The following MMRN1 variants were observed in gnomAD, a reference collection of about 807,000 sequenced individuals.
MMRN1 encodes multimerin-1.
MMRN1 carries 94 observed loss-of-function variants against 100.7 expected under a neutral mutation model. The ratio of observed to expected loss-of-function variants is 0.93; its 90% CI spans 0.79 to 1.11. The LOEUF is 1.11. Among genes scored for constraint, MMRN1 ranks in the 50% least tolerant of loss-of-function variants. MMRN1 has a pLI of 0.00. For missense variants in MMRN1, 1,606 were observed against 1,439.1 expected (o/e 1.12, Z -1.88); for synonymous variants, 575 against 505.0 (o/e 1.14, Z -1.86).
At chr4:89,901,846 A>G (rs553985270) in intron 1 of MMRN1, 9 of 152,132 alleles carry the variant, frequency 5.9e-5, no homozygotes, top group Admixed American at 2.6e-4. Flanking sequence ...CTAATAATTA[A>G]GTGGGAACTT....
At chr4:89,940,443 A>G (rs190121790) in intron 6 of MMRN1, among the ~76,000 whole-genome samples, 11 of 152,200 alleles carry the variant, frequency 7.2e-5, no homozygotes, top group African/African-American at 2.2e-4. Flanking sequence ...ATTATCATTG[A>G]TGTGAATATA....
At position 89,935,464 on chromosome 4, in the gene MMRN1, T is replaced by C. The variant is rs1385642901; in HGVS notation, c.1784T>C (p.Met595Thr). 5 of 1,613,586 alleles carry C rather than the reference T, an allele frequency of 3.1e-6. No individual in the cohort carries two copies. Among genetic ancestry groups the C allele is most frequent in the Non-Finnish European group, 3.4e-6 (4 of 1,179,752 alleles). Residue 595 changes from methionine (M) to threonine (T), a missense_variant, in exon 6 of 8, where the codon ATG becomes ACG. Transcript: ENST00000264790. The part of the protein sequence containing the change: ...KESLRGECED[M>T]LSKCRNDFKF... Reference sequence around the variant, plus strand: ...TCTCTCAGAGGTGAATGTGAAGACATGTTATCCAAATGCAGAAATGATTTT... The same window carrying C: ...TCTCTCAGAGGTGAATGTGAAGACACGTTATCCAAATGCAGAAATGATTTT...
intron 4 of MMRN1, 133 bp downstream of exon 4, chr4:89,923,405 T>G (rs977740429): frequency 2.4e-6 from 2 of 817,864 alleles, no homozygotes; most frequent in Non-Finnish European, 4.0e-6. Flanking sequence ...AGTCCTTTTC[T>G]ACTGGTGCTG....
chr4:89,884,730 G>T (rs1055628461), intron 1 of MMRN1, among the ~76,000 whole-genome samples: 1 of 152,056 alleles, frequency 6.6e-6, no homozygotes, highest in Non-Finnish European at 1.5e-5. Context: ...CCAAGTAGCT[G>T]GGACTACAGG....
intron 1 of MMRN1, among the ~76,000 whole-genome samples, chr4:89,884,277 AG>A (rs765067905): frequency 3.3e-5 from 5 of 152,292 alleles, no homozygotes; most frequent in Non-Finnish European, 5.9e-5. Flanking sequence ...TGAAGGTATA[AG>A]TAAACTTGAG....
At chr4:89,931,161 T>C (rs1197524705) in intron 5 of MMRN1, among the ~76,000 whole-genome samples, 1 of 152,202 alleles carries the variant, frequency 6.6e-6, no homozygotes, top group Non-Finnish European at 1.5e-5. Context: ...CATTTTATTT[T>C]CATCTGGCAA....
At chr4:89,930,686 A>T (rs1289235962) in intron 5 of MMRN1, among the ~76,000 whole-genome samples, 1 of 152,050 alleles carries the variant, frequency 6.6e-6, no homozygotes, top group Non-Finnish European at 1.5e-5. Flanking sequence ...ATGTTCTTAT[A>T]GAAAGAGTAA....
chr4:89,933,123 C>T (rs1010025509), intron 5 of MMRN1, among the ~76,000 whole-genome samples: 1 of 152,146 alleles, frequency 6.6e-6, no homozygotes, highest in African/African-American at 2.4e-5. Flanking sequence ...TGCCAGGTAT[C>T]CTAAATCATT....
chr4:89,910,331 A>C (rs1316355130), intron 2 of MMRN1, among the ~76,000 whole-genome samples: 1 of 151,470 alleles, frequency 6.6e-6, no homozygotes, highest in Non-Finnish European at 1.5e-5. Flanking sequence ...TTTAGTAATA[A>C]AAAATTTACC....
At chr4:89,892,605 T>C (rs770179530), upstream of MMRN1, among the ~76,000 whole-genome samples, 19 of 151,836 alleles carry the variant, frequency 1.3e-4, no homozygotes, top group African/African-American at 2.2e-4. Flanking sequence ...TCTGGGGAGT[T>C]AAAGTGCAAG....
chr4:89,899,417 A>G (rs985505758), intron 1 of MMRN1, among the ~76,000 whole-genome samples: 3 of 152,130 alleles, frequency 2.0e-5, no homozygotes, highest in African/African-American at 7.2e-5. Flanking sequence ...GAGTAAAACA[A>G]TGAACAAGAA....
In MMRN1 at chr4:89,954,052, G is replaced by A. The variant is rs923692252; in HGVS notation, c.*634G>A. On this transcript the variant is annotated 3_prime_UTR_variant, in exon 8 of 8. Transcript: ENST00000264790. Reference sequence around the variant, plus strand: ...CATGTAGTTGGACATGTACACTCAAGTCTAAGAATATATGAGTGGATCATT... The same window carrying A: ...CATGTAGTTGGACATGTACACTCAAATCTAAGAATATATGAGTGGATCATT... 3 of 152,078 alleles carry A rather than the reference G, an allele frequency of 2.0e-5. No homozygotes were observed. Among genetic ancestry groups the A allele is most frequent in the Non-Finnish European group, 2.9e-5 (2 of 68,056 alleles). 9.4% of individuals were successfully genotyped at this position (152,078 alleles called of 1,614,324 possible). A position where few individuals can be genotyped will look rare whatever the true frequency, so the allele number is the denominator to read the frequency against.
intron 1 of MMRN1, chr4:89,879,614 C>T (rs1026969959): frequency 3.3e-5 from 5 of 151,930 alleles, no homozygotes; most frequent in East Asian, 1.9e-4. Flanking sequence ...TAAGAGCTAC[C>T]GATAATTTTT....
chr4:89,939,428 C>T (rs1050900749), intron 6 of MMRN1, among the ~76,000 whole-genome samples: 3 of 151,896 alleles, frequency 2.0e-5, no homozygotes, highest in South Asian at 2.1e-4. Context: ...ATATGAATAC[C>T]GTAATAATAC....
chr4:89,888,357 A>C (rs1720982190), intron 1 of MMRN1, among the ~76,000 whole-genome samples: 1 of 151,814 alleles, frequency 6.6e-6, no homozygotes, highest in Non-Finnish European at 1.5e-5. Context: ...GAGCACTTTA[A>C]AGATGTAATT....
intron 6 of MMRN1, 36 bp from the exon 7 acceptor site, chr4:89,951,569 T>C: frequency 7.0e-7 from 1 of 1,435,926 alleles, no homozygotes; most frequent in Non-Finnish European, 9.2e-7. Flanking sequence ...ATAGGTCACT[T>C]TATTCTCTTT....
chr4:89,913,974 A>C (rs1293832485), intron 3 of MMRN1, among the ~76,000 whole-genome samples: 1 of 151,380 alleles, frequency 6.6e-6, no homozygotes, highest in Non-Finnish European at 1.5e-5. Flanking sequence ...TCTCTGCTAT[A>C]CTTTGACCAT....
Position 89,933,494 on chromosome 4 carries a change from A to G in MMRN1, c.1130-1316A>G, listed in dbSNP as rs375301428. Among the ~76,000 whole-genome samples, 17 of 152,290 alleles carry G rather than the reference A, an allele frequency of 1.1e-4. No individual in the cohort carries two copies. The East Asian group carries it at 2.3e-3, about 21-fold the overall frequency. ...TATATTAGTCCATTTTTATGCAGCT[A>G]TGAAATAGCTGGGTAATTTATAAAG... On this transcript the variant is annotated intron_variant, in intron 5 of 7. Coordinates refer to ENST00000264790, the MANE Select transcript of MMRN1 (RefSeq NM_007351.3).
chr4:89,902,382 G>A (rs181395347), intron 1 of MMRN1, among the ~76,000 whole-genome samples: 10 of 151,646 alleles, frequency 6.6e-5, no homozygotes, highest in African/African-American at 2.4e-4. Flanking sequence ...TATGGAAAAG[G>A]TTATATTAAA....
Sources: gnomAD v4.1 joint callset for allele counts (sites outside exome capture counted in the v4.1 genomes callset) on GRCh38, gnomAD v4.1.1 for gene constraint, MANE v1.5 for transcripts, NCBI Gene and HGNC (gene_info 2026-07-23, HGNC 2026-07-21) for gene names.